The following KIF26A variants were observed in gnomAD, a reference collection of about 807,000 sequenced individuals.
KIF26A encodes kinesin family member 26A, also known as kinesin-like protein KIF26A.
In KIF26A, 74 loss-of-function variants were observed where a neutral mutation model predicts 126.0. That is an observed-to-expected ratio of 0.59 (90% CI 0.49 to 0.71). KIF26A has a LOEUF of 0.71. Among genes scored for constraint, KIF26A ranks in the 30% least tolerant of loss-of-function variants. The pLI, the probability that KIF26A is intolerant of heterozygous loss-of-function variation, is 0.00. For synonymous variants in KIF26A, 1,445 were observed against 1,232.7 expected (o/e 1.17, Z -3.61); for missense variants, 2,984 against 2,763.3 (o/e 1.08, Z -1.79).
Position 104,152,242 on chromosome 14 carries a change from C to T in KIF26A, c.516C>T (p.Asp172=), listed in dbSNP as rs749354692. The T allele has an allele frequency of 2.1e-5, 34 of 1,597,976 alleles. No homozygotes were observed. The highest frequency in any genetic ancestry group is 2.9e-5 in the Non-Finnish European group (34 of 1,174,370). Residue 172 remains aspartate (D), a synonymous_variant, in exon 3 of 15, where the codon GAC becomes GAT. Transcript: ENST00000423312. The surrounding 1 kb of genome is among the most constrained non-coding windows in gnomAD (Gnocchi z 5.9). The part of the protein sequence containing the change: ...APPSTTTSSR[D]TPGPAGPAGR... The stretch of plus-strand genomic sequence containing the variant: ...CCAGCACCACGACCAGCTCGAGGGA[C>T]ACGCCAGGACCAGCGGGTCCTGCAG...
chr14:104,159,902 G>A (rs571870006), intron 4 of KIF26A, among the ~76,000 whole-genome samples: 6 of 152,274 alleles, frequency 3.9e-5, no homozygotes, highest in East Asian at 3.9e-4. Flanking sequence ...CCACTCCTGG[G>A]TTTTGTGGGT....
At chr14:104,150,415 C>T (rs902256104) in intron 2 of KIF26A, among the ~76,000 whole-genome samples, 10 of 151,962 alleles carry the variant, frequency 6.6e-5, no homozygotes, top group East Asian at 5.8e-4. Flanking sequence ...TGATGGGGGT[C>T]GCCTTTTCAT....
intron 4 of KIF26A, among the ~76,000 whole-genome samples, chr14:104,162,750 C>T (rs2037844825): frequency 6.9e-6 from 1 of 144,316 alleles, no homozygotes; most frequent in Non-Finnish European, 1.5e-5. Flanking sequence ...AGCCAACACC[C>T]TCCAGTGAGG....
intron 5 of KIF26A, among the ~76,000 whole-genome samples, chr14:104,169,086 C>T (rs1293439018): frequency 3.9e-5 from 6 of 152,346 alleles, no homozygotes; most frequent in Non-Finnish European, 5.9e-5. Context: ...ACCCTGGGTC[C>T]TCCCCACCCT....
chr14:104,179,548 G>A, intron 14 of KIF26A, 61 bp from the exon 15 acceptor site: 1 of 1,450,676 alleles, frequency 6.9e-7, no homozygotes. Context: ...TGGGGGGCCA[G>A]GTGGCTGCCC....
intron 2 of KIF26A, among the ~76,000 whole-genome samples, chr14:104,146,448 G>A (rs987707722): frequency 6.6e-5 from 10 of 152,106 alleles, no homozygotes; most frequent in Non-Finnish European, 1.5e-4. Flanking sequence ...GAGGCCAGGA[G>A]GTCTGAACTC....
intron 2 of KIF26A, among the ~76,000 whole-genome samples, chr14:104,149,241 C>T (rs1284538402): frequency 1.3e-5 from 2 of 151,984 alleles, no homozygotes; most frequent in East Asian, 1.9e-4. Flanking sequence ...TCTCAGTGCC[C>T]CCCATGGAGC....
intron 3 of KIF26A, among the ~76,000 whole-genome samples, chr14:104,156,028 C>T (rs572567133): frequency 3.0e-4 from 45 of 152,166 alleles, no homozygotes; most frequent in African/African-American, 1.0e-3. Flanking sequence ...CACGGTGGTG[C>T]CATCGCGACG....
Position 104,179,360 on chromosome 14 carries a change from T to G in KIF26A, c.5441T>G (p.Leu1814Arg). 3.9e-6 allele frequency: 6 copies of G among 1,535,332 alleles called. No individual in the cohort carries two copies. Among genetic ancestry groups the G allele is most frequent in the Non-Finnish European group, 4.4e-6 (5 of 1,144,178 alleles). The change falls in exon 14 of 15, where the codon CTG (leucine) becomes CGG (arginine). Residue 1814 changes from leucine to arginine, a missense_variant. Leu to Arg is a moderately radical substitution (Grantham distance 102, BLOSUM62 -2). Coordinates refer to ENST00000423312, the MANE Select transcript of KIF26A (RefSeq NM_015656.2). ...GCCGAGACCCAGGGCCGGCTGATGC[T>G]GGAGCCTGGCCGCTGGCTGGAGCAG... ...ELAETQGRLMLEPGRWLEQFE... is the reference protein window; with the variant it reads ...ELAETQGRLMREPGRWLEQFE...
Position 104,139,262 on chromosome 14 carries a change from G to T in KIF26A, c.262G>T (p.Val88Phe). Residue 88 changes from valine (V) to phenylalanine (F), a missense_variant, in exon 2 of 15, where the codon GTC becomes TTC. Transcript: ENST00000423312. Reference sequence around the variant, plus strand: ...GCTCAAGCGACAGGCGTGGAAGCTGGTCAGCGGGCCCGGGACCACCCTCCG... The same window carrying T: ...GCTCAAGCGACAGGCGTGGAAGCTGTTCAGCGGGCCCGGGACCACCCTCCG... ...VELKRQAWKL[V>F]SGPGTTLRDP... 6.5e-7 allele frequency: 1 copy of T among 1,539,454 alleles called. No individual in the cohort carries two copies. Among genetic ancestry groups the T allele is most frequent in the Non-Finnish European group, 8.7e-7 (1 of 1,145,450 alleles).
At chr14:104,154,101 G>T (rs980581982) in intron 3 of KIF26A, among the ~76,000 whole-genome samples, 2 of 152,206 alleles carry the variant, frequency 1.3e-5, no homozygotes, top group Non-Finnish European at 2.9e-5. Flanking sequence ...GATCATTAGC[G>T]TGGCCCTGGA....
At chr14:104,142,220 C>T (rs2141087789) in intron 2 of KIF26A, among the ~76,000 whole-genome samples, 2 of 152,266 alleles carry the variant, frequency 1.3e-5, no homozygotes. Context: ...CATTGTCTTC[C>T]TGCCCCTGTT....
In KIF26A at chr14:104,151,833, A is replaced by G. The variant is rs1255547601; in HGVS notation, c.289-182A>G. Among the ~76,000 whole-genome samples the G allele has an allele frequency of 6.6e-6, 1 of 152,184 alleles. No homozygotes were observed. Among genetic ancestry groups the G allele is most frequent in the East Asian group, 1.9e-4 (1 of 5,190 alleles). On this transcript the variant is annotated intron_variant, in intron 2 of 14. Coordinates refer to ENST00000423312, the MANE Select transcript of KIF26A (RefSeq NM_015656.2). The surrounding 1 kb of genome is among the most constrained non-coding windows in gnomAD (Gnocchi z 4.9). The stretch of plus-strand genomic sequence containing the variant: ...ATTGTGAGCCTCACGATGAAGCCCG[A>G]TCATTATTTTCCTGCTGGGCTTGTG...
Position 104,165,544 on chromosome 14 carries a change from C to T in KIF26A, c.924-1315C>T, listed in dbSNP as rs927448750. Among the ~76,000 whole-genome samples the T allele has an allele frequency of 3.9e-3, 357 of 91,430 alleles. 8 individuals carry two copies. The highest frequency in any genetic ancestry group is 0.017 in the African/African-American group (318 of 18,878). 60.0% of individuals were successfully genotyped at this position (91,430 alleles called of 152,430 possible). The stretch of plus-strand genomic sequence containing the variant: ...GCATGTGTGTATCTTTGTGTCTATG[C>T]GTGTGTGTGTGTCTGTGTGTTTCTG... On this transcript the variant is annotated intron_variant, in intron 4 of 14. Coordinates refer to ENST00000423312, the MANE Select transcript of KIF26A (RefSeq NM_015656.2).
Position 104,177,293 on chromosome 14 carries a change from G to T in KIF26A, c.4505G>T (p.Gly1502Val). The T allele has an allele frequency of 6.3e-7, 1 of 1,579,430 alleles. No homozygotes were observed. The highest frequency in any genetic ancestry group is 8.6e-7 in the Non-Finnish European group (1 of 1,166,006). ...KPPVGGGKGR[G>V]LVAGGSRALG... ...CCTGTTGGTGGAGGCAAGGGCCGTG[G>T]CCTAGTGGCTGGTGGGTCGCGGGCT... The change falls in exon 12 of 15, where the codon GGC becomes GTC. Residue 1502 changes from glycine to valine, a missense_variant. Transcript: ENST00000423312.
chr14:104,151,338 CAG>C lies in KIF26A; in HGVS notation c.289-676_289-675del, dbSNP rs1022651565. ...TTCAGGGAAGGGGGCAGTCACCAAACAGGGTGCATCCCAGCGTACAGCTCAGA... is the reference window on the plus strand; with the variant it reads ...TTCAGGGAAGGGGGCAGTCACCAAACGGTGCATCCCAGCGTACAGCTCAGA... On this transcript the variant is annotated intron_variant, in intron 2 of 14. Coordinates refer to ENST00000423312, the MANE Select transcript of KIF26A (RefSeq NM_015656.2). The surrounding 1 kb of genome is among the most constrained non-coding windows in gnomAD (Gnocchi z 4.9). Among the ~76,000 whole-genome samples the C allele has an allele frequency of 9.9e-5, 15 of 151,998 alleles. No homozygotes were observed. The highest frequency in any genetic ancestry group is 9.2e-4 in the Admixed American group (14 of 15,278).
chr14:104,173,880 G>T lies in KIF26A; in HGVS notation c.2030+12G>T, dbSNP rs1349070748. 6.4e-7 allele frequency: 1 copy of T among 1,568,170 alleles called. No homozygotes were observed. The highest frequency in any genetic ancestry group is 1.7e-5 in the Admixed American group (1 of 57,182). Reference sequence around the variant, plus strand: ...CATGTGCCGTATCGGTGAGTGTAGGGCCTGGGCAGGTGCCGACCAGGGTGG... The same window carrying T: ...CATGTGCCGTATCGGTGAGTGTAGGTCCTGGGCAGGTGCCGACCAGGGTGG... On this transcript the variant is annotated intron_variant, in intron 10 of 14. Transcript: ENST00000423312.
chr14:104,148,011 C>T lies in KIF26A; in HGVS notation c.289-4004C>T, dbSNP rs1256953487. Among the ~76,000 whole-genome samples the T allele has an allele frequency of 6.6e-6, 1 of 152,154 alleles. No individual in the cohort carries two copies. Among genetic ancestry groups the T allele is most frequent in the Non-Finnish European group, 1.5e-5 (1 of 68,026 alleles). ...CGTCTCTGAACTGGGAGCAGGACTC[C>T]CCTCGCTGTCCCAGGGTGGCCTTAC... On this transcript the variant is annotated intron_variant, in intron 2 of 14. Transcript: ENST00000423312. The surrounding 1 kb of genome is among the most constrained non-coding windows in gnomAD (Gnocchi z 4.3).
intron 3 of KIF26A, among the ~76,000 whole-genome samples, chr14:104,153,355 C>A (rs1205206964): frequency 6.6e-6 from 1 of 152,010 alleles, no homozygotes; most frequent in East Asian, 1.9e-4. Flanking sequence ...CGGGTCCCAG[C>A]TGGTGTGATG....
Sources: allele counts gnomAD v4.1 joint callset (sites outside exome capture counted in the v4.1 genomes callset), GRCh38; gene constraint gnomAD v4.1.1; non-coding constraint Gnocchi (gnomAD v3.1); transcripts MANE v1.5; gene names NCBI Gene and HGNC (gene_info 2026-07-23, HGNC 2026-07-21).